The following TRMT6 variants were observed in gnomAD, a reference collection of about 807,000 sequenced individuals.
The protein encoded by TRMT6 is tRNA methyltransferase 6 non-catalytic subunit.
In TRMT6, 34 loss-of-function variants were observed where a neutral mutation model predicts 59.0. That is an observed-to-expected ratio of 0.58 (90% CI 0.44 to 0.77). The LOEUF (loss-of-function observed/expected upper bound fraction) is 0.77, where lower values mean the gene tolerates loss of function less well. Ranked by LOEUF, TRMT6 falls within the 30% of genes least tolerant of loss-of-function variation. TRMT6 has a pLI of 0.00. For synonymous variants in TRMT6, 217 were observed against 210.5 expected, an observed-to-expected ratio of 1.03 and a Z score of -0.27; for missense variants, 575 against 604.5, an observed-to-expected ratio of 0.95 and a Z score of 0.51.
At chr20:5,949,279 T>A (rs892581554) in intron 1 of TRMT6, among the ~76,000 whole-genome samples, 3 of 151,956 alleles carry the variant, frequency 2.0e-5, no homozygotes, top group African/African-American at 7.3e-5. Flanking sequence ...GAGAATCGCT[T>A]GAACCTCGGA....
chr20:5,943,595 C>G lies in TRMT6; in HGVS notation c.631G>C (p.Gly211Arg). 1 of 1,614,220 alleles carries G rather than the reference C, an allele frequency of 6.2e-7. No homozygotes were observed. Among genetic ancestry groups the G allele is most frequent in the South Asian group, 1.1e-5 (1 of 91,084 alleles). The change falls in exon 6 of 11, where the codon GGC (glycine) becomes CGC (arginine). Residue 211 changes from glycine (G) to arginine (R), a missense_variant. Gly to Arg is a moderately radical substitution (Grantham distance 125). Coordinates refer to ENST00000203001, the MANE Select transcript of TRMT6 (RefSeq NM_015939.5). ...TCCATCATTGCACCCAGCACCAAGC[C>G]TGCACACGTTTCCATCACAATCATT... ...NKMIVMETCA[G>R]LVLGAMMERM...
At position 5,944,793 on chromosome 20, in the gene TRMT6, T is replaced by G. The variant is rs758015354; in HGVS notation, c.366+12A>C. ...CAGACAAAAACAAAACTAAAAATCC[T>G]TTGAATATTACCTCTCCTTTAATGC... On this transcript the variant is annotated intron_variant, in intron 3 of 10. Transcript: ENST00000203001. 3.1e-6 allele frequency: 5 copies of G among 1,598,914 alleles called. No homozygotes were observed. In the South Asian group the frequency reaches 5.5e-5, roughly 18 times the overall value.
chr20:5,943,563 C>A lies in TRMT6; in HGVS notation c.663G>T (p.Met221Ile), dbSNP rs1315158427. 6.2e-7 allele frequency: 1 copy of A among 1,614,034 alleles called. No homozygotes were observed. ...GLVLGAMMER[M>I]GGFGSIIQLY... ...AATGGAAATATTAAATCTTACCTCC[C>A]ATTCGTTCCATCATTGCACCCAGCA... The change falls in exon 6 of 11, where the codon ATG (methionine) becomes ATT (isoleucine). Residue 221 changes from methionine to isoleucine, a missense_variant. Coordinates refer to ENST00000203001, the MANE Select transcript of TRMT6 (RefSeq NM_015939.5).
Position 5,950,279 on chromosome 20 carries a change from T to G in TRMT6, c.127A>C (p.Lys43Gln). 6.2e-7 allele frequency: 1 copy of G among 1,604,366 alleles called. No homozygotes were observed. The highest frequency in any genetic ancestry group is 8.5e-7 in the Non-Finnish European group (1 of 1,173,278). ...VFKAVQVQRR[K>Q]KVTFEKQWFY... is the part of the protein sequence containing the mutation. ...CCTAAAATCAGCGATCTGACTTACT[T>G]TCTCCGCTGGACTTGTACTGCTTTA... Residue 43 changes from lysine to glutamine, a missense_variant and splice_region_variant, in exon 1 of 11, where the codon AAA becomes CAA. By Grantham distance (53) the Lys-to-Gln change is moderately conservative. Transcript: ENST00000203001.
chr20:5,947,215 T>C (rs1332433461), intron 1 of TRMT6, among the ~76,000 whole-genome samples: 1 of 152,212 alleles, frequency 6.6e-6, no homozygotes, highest in Admixed American at 6.5e-5. Flanking sequence ...CAAATCTGTG[T>C]CTGACCCCAA....
Position 5,943,583 on chromosome 20 carries a change from C to T in TRMT6, c.643G>A (p.Gly215Ser), listed in dbSNP as rs1406575902. The stretch of plus-strand genomic sequence containing the variant: ...CCTCCCATTCGTTCCATCATTGCAC[C>T]CAGCACCAAGCCTGCACACGTTTCC... ...VMETCAGLVL[G>S]AMMERMGGFG... Residue 215 changes from glycine (G) to serine (S), a missense_variant, in exon 6 of 11, where the codon GGT becomes AGT. Gly to Ser is a moderately conservative substitution (Grantham distance 56). Transcript: ENST00000203001. 1 of 1,614,122 alleles carries T rather than the reference C, an allele frequency of 6.2e-7. No individual in the cohort carries two copies. Among genetic ancestry groups the T allele is most frequent in the Non-Finnish European group, 8.5e-7 (1 of 1,180,026 alleles).
intron 1 of TRMT6, among the ~76,000 whole-genome samples, chr20:5,947,639 A>G (rs981525002): frequency 6.6e-6 from 1 of 152,262 alleles, no homozygotes; most frequent in African/African-American, 2.4e-5. Flanking sequence ...AGATACTTAC[A>G]TACAACAGAA....
In TRMT6 at chr20:5,946,594, G is replaced by A. The variant is rs1213846434; in HGVS notation, c.129-61C>T. ...TTTCTATCCAGTACAGAAAAGACATGTTCACTACAGTTTATTTCAAAAGTG... is the reference window on the plus strand; with the variant it reads ...TTTCTATCCAGTACAGAAAAGACATATTCACTACAGTTTATTTCAAAAGTG... On this transcript the variant is annotated intron_variant, in intron 1 of 10. Transcript: ENST00000203001. The A allele has an allele frequency of 6.0e-6, 9 of 1,506,922 alleles. No homozygotes were observed. The Admixed American group carries it at 1.4e-4, about 24-fold the overall frequency. The allele number at this position is 1,506,922 out of a possible 1,614,324, so 93.3% of individuals were successfully genotyped here.
intron 1 of TRMT6, among the ~76,000 whole-genome samples, chr20:5,948,773 T>C (rs2088732641): frequency 6.6e-6 from 1 of 152,174 alleles, no homozygotes; most frequent in Non-Finnish European, 1.5e-5. Context: ...AAAAGAAACA[T>C]ACCCCTCATA....
rs186069439 is a variant in TRMT6, at chr20:5,944,037, G to A, written c.459-6C>T. ...CAGTAATGATGGCTTCATATCTGGG[G>A]GAAGAAAAAACAGAACGCTGATTTA... On this transcript the variant is annotated splice_polypyrimidine_tract_variant and splice_region_variant and intron_variant, in intron 4 of 10. Coordinates refer to ENST00000203001, the MANE Select transcript of TRMT6 (RefSeq NM_015939.5). 8,514 of 1,566,742 alleles carry A rather than the reference G, an allele frequency of 5.4e-3. 397 individuals carry two copies. In the African/African-American group the frequency reaches 0.097, roughly 18 times the overall value.
chr20:5,949,397 A>C (rs1397315286), intron 1 of TRMT6, among the ~76,000 whole-genome samples: 1 of 152,132 alleles, frequency 6.6e-6, no homozygotes, highest in East Asian at 1.9e-4. Context: ...TCTCAGATAA[A>C]TTAATCCAAA....
Position 5,937,345 on chromosome 20 carries a change from T to C in TRMT6, c.*1190A>G, listed in dbSNP as rs2088616816. The C allele has an allele frequency of 6.6e-6, 1 of 152,216 alleles. No individual in the cohort carries two copies. Among genetic ancestry groups the C allele is most frequent in the African/African-American group, 2.4e-5 (1 of 41,446 alleles). 9.4% of individuals were successfully genotyped at this position (152,216 alleles called of 1,614,324 possible). On this transcript the variant is annotated 3_prime_UTR_variant, in exon 11 of 11. Transcript: ENST00000203001. ...AAAAAAAATTTTTTTTCTGAGATGTTCCTTGCTGTATGATACAGGCCTATT... is the reference window on the plus strand; with the variant it reads ...AAAAAAAATTTTTTTTCTGAGATGTCCCTTGCTGTATGATACAGGCCTATT...
chr20:5,939,486 GAA>G (rs376972151), intron 10 of TRMT6, among the ~76,000 whole-genome samples: 8,387 of 78,906 alleles, frequency 0.11, 461 homozygotes, highest in East Asian at 0.33. Flanking sequence ...TCTCAAAAAT[GAA>G]AAAAAAAAAA....
Position 5,938,527 on chromosome 20 carries a change from C to T in TRMT6, c.*8G>A. 1 of 1,605,732 alleles carries T rather than the reference C, an allele frequency of 6.2e-7. No individual in the cohort carries two copies. The highest frequency in any genetic ancestry group is 8.5e-7 in the Non-Finnish European group (1 of 1,175,236). On this transcript the variant is annotated 3_prime_UTR_variant, in exon 11 of 11. Coordinates refer to ENST00000203001, the MANE Select transcript of TRMT6 (RefSeq NM_015939.5). ...TGAGAACAAAATTCAGAGCAATTCTCAAAAGGGTTAAGAGTCAGACTCTGG... is the reference window on the plus strand; with the variant it reads ...TGAGAACAAAATTCAGAGCAATTCTTAAAAGGGTTAAGAGTCAGACTCTGG...
intron 1 of TRMT6, among the ~76,000 whole-genome samples, chr20:5,947,061 G>A (rs117305768): frequency 0.032 from 4,861 of 152,292 alleles, 105 homozygotes; most frequent in Middle Eastern, 0.095. Context: ...CAGTGTGTGC[G>A]AGGTGTGATT....
intron 1 of TRMT6, among the ~76,000 whole-genome samples, chr20:5,948,237 T>A (rs2088724859): frequency 6.6e-6 from 1 of 152,156 alleles, no homozygotes; most frequent in African/African-American, 2.4e-5. Flanking sequence ...TAAAACTGGC[T>A]GGTTTGACAG....
Position 5,938,660 on chromosome 20 carries a change from A to C in TRMT6, c.1369T>G (p.Phe457Val), listed in dbSNP as rs2088628840. ...TTAAGGTTGTCCATGGCAACGGTGA[A>C]GCCGGAGAGAAGATAACCCCCACCT... ...SGGGGYLLSG[F>V]TVAMDNLKAD... The change falls in exon 11 of 11, where the codon TTC becomes GTC. Residue 457 changes from phenylalanine to valine, a missense_variant. By Grantham distance (50) the Phe-to-Val change is conservative. Coordinates refer to ENST00000203001, the MANE Select transcript of TRMT6 (RefSeq NM_015939.5). 6.2e-7 allele frequency: 1 copy of C among 1,614,102 alleles called. No homozygotes were observed. The highest frequency in any genetic ancestry group is 1.3e-5 in the African/African-American group (1 of 74,940).
Position 5,944,268 on chromosome 20 carries a change from G to C in TRMT6, c.367-15C>G. 6.9e-7 allele frequency: 1 copy of C among 1,448,690 alleles called. No individual in the cohort carries two copies. The highest frequency in any genetic ancestry group is 2.4e-5 in the East Asian group (1 of 42,068). 89.7% of individuals were successfully genotyped at this position (1,448,690 alleles called of 1,614,324 possible). Reference sequence around the variant, plus strand: ...TGAACTATTTCCTATAAGAAAAGGAGCAAGTAGATTTTCTGAAACTTTACT... The same window carrying C: ...TGAACTATTTCCTATAAGAAAAGGACCAAGTAGATTTTCTGAAACTTTACT... On this transcript the variant is annotated splice_polypyrimidine_tract_variant and intron_variant, in intron 3 of 10. Transcript: ENST00000203001.
rs1447198108 is a variant in TRMT6, at chr20:5,942,544, C to T, written c.910G>A (p.Asp304Asn). The T allele has an allele frequency of 2.5e-6, 4 of 1,613,976 alleles. No homozygotes were observed. Among genetic ancestry groups the T allele is most frequent in the African/African-American group, 1.3e-5 (1 of 74,882 alleles). ...EKQASEQENE[D>N]SMAEAPESNH... is the part of the protein sequence containing the mutation. ...CTCTCTGGGGCCTCTGCCATGCTGT[C>T]TTCATTCTCTTGTTCAGAAGCCTGT... The change falls in exon 7 of 11, where the codon GAC becomes AAC. Residue 304 changes from aspartate to asparagine, a missense_variant. Physicochemically the swap from Asp to Asn is conservative, Grantham distance 23. Coordinates refer to ENST00000203001, the MANE Select transcript of TRMT6 (RefSeq NM_015939.5).
Sources: allele counts gnomAD v4.1 joint callset (sites outside exome capture counted in the v4.1 genomes callset), GRCh38; gene constraint gnomAD v4.1.1; transcripts MANE v1.5; gene names NCBI Gene and HGNC (gene_info 2026-07-23, HGNC 2026-07-21).